The following CHODL variants were observed in gnomAD, a reference collection of about 807,000 sequenced individuals.
CHODL encodes the protein chondrolectin.
In CHODL, 29 loss-of-function variants were observed where a neutral mutation model predicts 34.5. That is an observed-to-expected ratio of 0.84 (90% CI 0.63 to 1.15). The LOEUF is 1.15. CHODL is among the 50% of genes most tolerant of loss of function. The pLI, the probability that CHODL is intolerant of heterozygous loss-of-function variation, is 0.00. For missense variants in CHODL, 332 were observed against 332.5 expected (o/e 1.00, Z 0.01); for synonymous variants, 125 against 116.1 (o/e 1.08, Z -0.49).
chr21:18,004,832 CAAA>C (rs66656507), intron 1 of CHODL, among the ~76,000 whole-genome samples: 1 of 129,564 alleles, frequency 7.7e-6, no homozygotes, highest in East Asian at 2.3e-4. Flanking sequence ...TAAAAAATTG[CAAA>C]AAAAAAAAAA....
intron 2 of CHODL, among the ~76,000 whole-genome samples, chr21:18,046,410 C>A (rs1385634523): frequency 6.6e-6 from 1 of 151,866 alleles, no homozygotes; most frequent in Non-Finnish European, 1.5e-5. Context: ...CACACACCCG[C>A]CTTGTTGTCT....
chr21:18,176,514 T>C (rs1211281414), intron 2 of CHODL, among the ~76,000 whole-genome samples: 2 of 152,212 alleles, frequency 1.3e-5, no homozygotes, highest in Admixed American at 1.3e-4. Flanking sequence ...CATAACAAAA[T>C]GTACCATTGC....
At chr21:18,087,850 G>A (rs2065025721) in intron 2 of CHODL, among the ~76,000 whole-genome samples, 1 of 152,154 alleles carries the variant, frequency 6.6e-6, no homozygotes, top group African/African-American at 2.4e-5. Flanking sequence ...GTAGTTTATG[G>A]AGAAAAGAGG....
At chr21:18,022,313 T>TGGCCACATTGCCTCCTC (rs1443545352) in intron 1 of CHODL, 1 of 152,228 alleles carries the variant, frequency 6.6e-6, no homozygotes, top group Non-Finnish European at 1.5e-5. Context: ...TCTGCCTCCA[T>TGGCCACATTGCCTCCTC]GGCCACATTG....
At chr21:17,937,564 A>G (rs1262866951) in intron 1 of CHODL, among the ~76,000 whole-genome samples, 1 of 152,214 alleles carries the variant, frequency 6.6e-6, no homozygotes, top group Non-Finnish European at 1.5e-5. Flanking sequence ...GTTTCTTCAT[A>G]AAAATACAGT....
At chr21:17,999,004 T>G (rs1260810483) in intron 1 of CHODL, among the ~76,000 whole-genome samples, 1 of 152,192 alleles carries the variant, frequency 6.6e-6, no homozygotes, top group Admixed American at 6.5e-5. Context: ...AGGCTGCAAA[T>G]TTTCTGAACC....
chr21:18,173,832 A>G (rs1276643869), intron 2 of CHODL, among the ~76,000 whole-genome samples: 1 of 151,946 alleles, frequency 6.6e-6, no homozygotes, highest in East Asian at 1.9e-4. Context: ...TTCACAGGAT[A>G]AAGGTATCCC....
intron 2 of CHODL, among the ~76,000 whole-genome samples, chr21:18,059,969 A>T (rs1000037388): frequency 1.3e-5 from 2 of 152,054 alleles, no homozygotes; most frequent in Non-Finnish European, 2.9e-5. Flanking sequence ...TCCGTTCATT[A>T]TTCCACTGAC....
chr21:18,230,731 A>G (rs186750888), intron 2 of CHODL, among the ~76,000 whole-genome samples: 2 of 152,244 alleles, frequency 1.3e-5, no homozygotes, highest in Admixed American at 1.3e-4. Flanking sequence ...TCTTAATAGC[A>G]TCATTATGTG....
chr21:18,218,061 G>T (rs1224333374), intron 2 of CHODL, among the ~76,000 whole-genome samples: 3 of 152,204 alleles, frequency 2.0e-5, no homozygotes, highest in Admixed American at 1.3e-4. Context: ...GGCTTTTCCA[G>T]GTACACTGTG....
intron 1 of CHODL, chr21:18,027,794 C>A (rs2064191749): frequency 6.6e-6 from 1 of 152,322 alleles, no homozygotes; most frequent in Admixed American, 6.6e-5. Flanking sequence ...GAGAGGAGAG[C>A]CCTCATGAAT....
At chr21:17,925,163 G>T (rs189197889) in intron 1 of CHODL, among the ~76,000 whole-genome samples, 128 of 152,304 alleles carry the variant, frequency 8.4e-4, no homozygotes, top group African/African-American at 3.0e-3. Flanking sequence ...TCCAATCTGC[G>T]TATGAGCAGC....
intron 1 of CHODL, among the ~76,000 whole-genome samples, chr21:17,957,067 A>G (rs545001862): frequency 6.6e-6 from 1 of 152,264 alleles, no homozygotes; most frequent in African/African-American, 2.4e-5. Context: ...AATATATCAC[A>G]TTGGGGATTA....
chr21:18,032,204 A>G (rs2064255812), intron 2 of CHODL, among the ~76,000 whole-genome samples: 1 of 152,164 alleles, frequency 6.6e-6, no homozygotes, highest in Non-Finnish European at 1.5e-5. Context: ...TTGCTAGGAG[A>G]GTAGATCTTA....
intron 2 of CHODL, among the ~76,000 whole-genome samples, chr21:18,061,703 C>T (rs537575512): frequency 1.3e-4 from 20 of 152,108 alleles, no homozygotes; most frequent in East Asian, 1.9e-4. Flanking sequence ...TCCACAATTT[C>T]GTGGTGGTGG....
chr21:18,092,960 A>G (rs991211080), intron 2 of CHODL, among the ~76,000 whole-genome samples: 18 of 152,200 alleles, frequency 1.2e-4, no homozygotes, highest in Non-Finnish European at 2.1e-4. Flanking sequence ...AAACCTAGAG[A>G]AAGATATCAA....
At chr21:18,213,825 T>C (rs79297434) in intron 2 of CHODL, among the ~76,000 whole-genome samples, 6,478 of 152,090 alleles carry the variant, frequency 0.043, 170 homozygotes, top group Non-Finnish European at 0.056. Flanking sequence ...AAATAGGAAA[T>C]GAGTCAAGTC....
intron 1 of CHODL, among the ~76,000 whole-genome samples, chr21:17,953,781 G>A (rs1206731514): frequency 5.3e-5 from 8 of 152,170 alleles, no homozygotes; most frequent in African/African-American, 1.7e-4. Context: ...GGAGCCTGAG[G>A]TGAAAGGATC....
intron 2 of CHODL, among the ~76,000 whole-genome samples, chr21:18,182,307 G>A (rs1189060657): frequency 6.6e-6 from 1 of 152,202 alleles, no homozygotes; most frequent in Non-Finnish European, 1.5e-5. Flanking sequence ...AAAGAATAAA[G>A]TGAAGGCAGA....
Sources: allele counts gnomAD v4.1 joint callset (sites outside exome capture counted in the v4.1 genomes callset), GRCh38; gene constraint gnomAD v4.1.1; transcripts MANE v1.5; gene names NCBI Gene and HGNC (gene_info 2026-07-23, HGNC 2026-07-21).